Variants in LRP1B observed in about 807,000 individuals in gnomAD.
LRP1B encodes LDL receptor related protein 1B, also known as low-density lipoprotein receptor-related protein 1B.
LRP1B carries 217 observed loss-of-function variants against 556.6 expected under a neutral mutation model. That is an observed-to-expected ratio of 0.39 (90% confidence interval 0.35 to 0.44). The LOEUF is 0.44. LRP1B is among the 20% of genes least tolerant of loss of function. The pLI, the probability that LRP1B is intolerant of heterozygous loss-of-function variation, is 1.00. For missense variants in LRP1B, 5,053 were observed against 5,620.8 expected, an observed-to-expected ratio of 0.90 and a Z score of 3.23; for synonymous variants, 2,047 against 1,865.8, an observed-to-expected ratio of 1.10 and a Z score of -2.50.
intron 1 of LRP1B, among the ~76,000 whole-genome samples, chr2:141,957,387 G>GTT (rs1574530053): frequency 5.9e-5 from 7 of 117,666 alleles, no homozygotes; most frequent in Non-Finnish European, 1.2e-4. Context: ...TGTGTGTGGG[G>GTT]GGGGGGGGGC....
intron 3 of LRP1B, among the ~76,000 whole-genome samples, chr2:141,400,267 C>T (rs1308031631): frequency 6.6e-6 from 1 of 152,222 alleles, no homozygotes; most frequent in Non-Finnish European, 1.5e-5. Context: ...GCCCCAGCCA[C>T]TGTGCCTGGC....
At chr2:140,958,678 CA>C (rs1156961607) in intron 18 of LRP1B, among the ~76,000 whole-genome samples, 3 of 151,416 alleles carry the variant, frequency 2.0e-5, no homozygotes. Flanking sequence ...ATTCAGGAAG[CA>C]AAATCTATTT....
intron 1 of LRP1B, among the ~76,000 whole-genome samples, chr2:142,042,315 G>A (rs1342015271): frequency 6.6e-6 from 1 of 151,336 alleles, no homozygotes; most frequent in Non-Finnish European, 1.5e-5. Flanking sequence ...TAAAAATGTA[G>A]GTAAGAATAA....
intron 1 of LRP1B, among the ~76,000 whole-genome samples, chr2:142,104,303 C>T (rs1437537952): frequency 6.6e-6 from 1 of 152,066 alleles, no homozygotes; most frequent in East Asian, 1.9e-4. Flanking sequence ...AATCCATCTT[C>T]CACTTGTGAA....
At position 140,994,127 on chromosome 2, in the gene LRP1B, C is replaced by G. The variant is rs2105359243; in HGVS notation, c.2512G>C (p.Gly838Arg). The G allele has an allele frequency of 6.2e-7, 1 of 1,612,106 alleles. No homozygotes were observed. Among genetic ancestry groups the G allele is most frequent in the Non-Finnish European group, 8.5e-7 (1 of 1,178,840 alleles). ...ENGTTCTFNP[G>R]EALPHICKAG... ...TTACATATGTGAGGTAGTGCTTCTC[C>G]AGGATTAACTAGAGTTAAAAAAACC... is the stretch of plus-strand genomic sequence containing the variant. The change falls in exon 16 of 91, where the codon GGA becomes CGA. Residue 838 changes from glycine to arginine, a missense_variant. Gly to Arg is a moderately radical substitution (Grantham distance 125). Transcript: ENST00000389484.
intron 41 of LRP1B, among the ~76,000 whole-genome samples, chr2:140,630,029 C>T (rs2105274295): frequency 6.6e-6 from 1 of 152,290 alleles, no homozygotes; most frequent in South Asian, 2.1e-4. Flanking sequence ...TTTCTGGTTA[C>T]TTGGCTCATG....
chr2:141,889,616 A>G (rs1699222938), intron 1 of LRP1B, among the ~76,000 whole-genome samples: 1 of 152,254 alleles, frequency 6.6e-6, no homozygotes, highest in African/African-American at 2.4e-5. Context: ...GACCATGTCT[A>G]ATATCGTCTT....
intron 35 of LRP1B, among the ~76,000 whole-genome samples, chr2:140,758,357 A>T (rs1688808354): frequency 6.6e-6 from 1 of 152,092 alleles, no homozygotes; most frequent in Admixed American, 6.6e-5. Context: ...CATGAATATT[A>T]AATACCAAAA....
chr2:141,994,889 C>T (rs1193915431), intron 1 of LRP1B, among the ~76,000 whole-genome samples: 2 of 152,090 alleles, frequency 1.3e-5, no homozygotes, highest in Admixed American at 1.3e-4. Context: ...TAATATCCTA[C>T]AGCTGCCTTT....
chr2:141,651,499 A>G (rs1689790968), intron 2 of LRP1B, among the ~76,000 whole-genome samples: 1 of 152,072 alleles, frequency 6.6e-6, no homozygotes. Flanking sequence ...CCCCATCTCT[A>G]CTAAAAATAC....
intron 2 of LRP1B, among the ~76,000 whole-genome samples, chr2:141,808,572 A>G (rs564507201): frequency 1.1e-4 from 16 of 152,226 alleles, no homozygotes; most frequent in African/African-American, 3.9e-4. Flanking sequence ...TCCCTTTTCA[A>G]ACACATTTAA....
Position 142,010,435 on chromosome 2 carries a change from T to C in LRP1B, c.82+120213A>G, listed in dbSNP as rs1270355097. Among the ~76,000 whole-genome samples, 5 of 151,100 alleles carry C rather than the reference T, an allele frequency of 3.3e-5. No individual in the cohort carries two copies. The East Asian group carries it at 9.8e-4, about 30-fold the overall frequency. On this transcript the variant is annotated intron_variant, in intron 1 of 90. Transcript: ENST00000389484. ...CGGGCGTGGTGGCGGGTGCCTGTAG[T>C]CTCAGCTACTCGGAGAGGCTGAGGC... is the stretch of plus-strand genomic sequence containing the variant.
At chr2:140,734,052 A>T (rs931735143) in intron 35 of LRP1B, among the ~76,000 whole-genome samples, 1 of 152,212 alleles carries the variant, frequency 6.6e-6, no homozygotes, top group Non-Finnish European at 1.5e-5. Flanking sequence ...CAACCATAAT[A>T]TATGGTAACA....
intron 16 of LRP1B, chr2:140,992,431 T>G (rs572457381): frequency 2.0e-5 from 3 of 152,226 alleles, no homozygotes; most frequent in African/African-American, 7.2e-5. Context: ...AACGTGGACC[T>G]AAGGAACCAA....
intron 86 of LRP1B, among the ~76,000 whole-genome samples, chr2:140,266,326 G>A (rs146813051): frequency 6.6e-6 from 1 of 151,932 alleles, no homozygotes; most frequent in Non-Finnish European, 1.5e-5. Flanking sequence ...TCTTTGAACT[G>A]TCTGGAGTTG....
chr2:141,939,877 A>G (rs965265585), intron 1 of LRP1B, among the ~76,000 whole-genome samples: 1 of 152,172 alleles, frequency 6.6e-6, no homozygotes, highest in Non-Finnish European at 1.5e-5. Context: ...AGCACTGGAC[A>G]GCCCTTTTCT....
rs922180972 is a variant in LRP1B, at chr2:142,100,273, A to C, written c.82+30375T>G. On this transcript the variant is annotated intron_variant, in intron 1 of 90. Transcript: ENST00000389484. ...CAGGGGGCCCAAGGCATCACGCTGC[A>C]ATGCTTGGAGAGCACCAATGCTCTA... Among the ~76,000 whole-genome samples the C allele has an allele frequency of 5.3e-5, 8 of 152,020 alleles. No homozygotes were observed. In the East Asian group the frequency reaches 1.5e-3, roughly 29 times the overall value.
intron 3 of LRP1B, among the ~76,000 whole-genome samples, chr2:141,392,460 TAAAAAAAAAA>T (rs10636398): frequency 1.0e-5 from 1 of 96,084 alleles, no homozygotes; most frequent in African/African-American, 4.1e-5. Context: ...TGTCCTCTCT[TAAAAAAAAAA>T]AAAAAAAAAA....
chr2:141,934,274 T>C (rs1248475872), intron 1 of LRP1B, among the ~76,000 whole-genome samples: 2 of 151,846 alleles, frequency 1.3e-5, no homozygotes, highest in African/African-American at 4.8e-5. Flanking sequence ...TTAAGAGCAA[T>C]GGAGGCTGGA....
Sources: allele counts gnomAD v4.1 joint callset (sites outside exome capture counted in the v4.1 genomes callset), GRCh38; gene constraint gnomAD v4.1.1; transcripts MANE v1.5; gene names NCBI Gene and HGNC (gene_info 2026-07-23, HGNC 2026-07-21).